The following SEC11A variants were observed in gnomAD, a reference collection of about 807,000 sequenced individuals.
SEC11A encodes the protein signal peptidase complex catalytic subunit SEC11A.
In SEC11A, 14 loss-of-function variants were observed where a neutral mutation model predicts 25.6. The ratio of observed to expected loss-of-function variants is 0.55; its 90% confidence interval spans 0.36 to 0.85. The LOEUF (loss-of-function observed/expected upper bound fraction) is 0.85, where lower values mean the gene tolerates loss of function less well. Among genes scored for constraint, SEC11A ranks in the 40% least tolerant of loss-of-function variants. SEC11A has a pLI of 0.01. For synonymous variants in SEC11A, 83 were observed against 76.4 expected (o/e 1.09, Z -0.45); for missense variants, 153 against 222.9 (o/e 0.69, Z 2.00).
In SEC11A at chr15:84,704,391, T is replaced by C. The variant is rs990001731; in HGVS notation, c.51+11634A>G. Reference sequence around the variant, plus strand: ...CCTTGAAGTAGCTGGCCTGAAATAATAGAATAGTAGGCCAGTTTTCGATTT... The same window carrying C: ...CCTTGAAGTAGCTGGCCTGAAATAACAGAATAGTAGGCCAGTTTTCGATTT... On this transcript the variant is annotated intron_variant, in intron 1 of 5. Coordinates refer to ENST00000268220, the MANE Select transcript of SEC11A (RefSeq NM_014300.4). Among the ~76,000 whole-genome samples, 6 of 152,166 alleles carry C rather than the reference T, an allele frequency of 3.9e-5. No homozygotes were observed. The South Asian group carries it at 1.0e-3, about 26-fold the overall frequency.
At chr15:84,701,312 CAAT>C (rs1314540682) in intron 1 of SEC11A, among the ~76,000 whole-genome samples, 2 of 150,080 alleles carry the variant, frequency 1.3e-5, no homozygotes, top group African/African-American at 4.9e-5. Context: ...ATCTCAATAA[CAAT>C]AATAATAATA....
chr15:84,706,708 T>C (rs1898104916), intron 1 of SEC11A, among the ~76,000 whole-genome samples: 1 of 152,188 alleles, frequency 6.6e-6, no homozygotes, highest in African/African-American at 2.4e-5. Context: ...CAGGTGTGTA[T>C]AGATGCCAAG....
intron 3 of SEC11A, among the ~76,000 whole-genome samples, chr15:84,684,701 G>A (rs921489139): frequency 6.6e-6 from 1 of 152,158 alleles, no homozygotes; most frequent in Non-Finnish European, 1.5e-5. Context: ...GGAGGCAGAG[G>A]TGGGTGAATC....
intron 1 of SEC11A, 21 bp downstream of exon 1, chr15:84,716,004 A>G (rs774339988): frequency 3.1e-6 from 5 of 1,612,598 alleles, no homozygotes; most frequent in Admixed American, 1.7e-5. Flanking sequence ...GCCAGGAGAA[A>G]AAGAGGACGG....
chr15:84,685,178 A>G (rs1897382318), intron 3 of SEC11A, among the ~76,000 whole-genome samples: 1 of 152,178 alleles, frequency 6.6e-6, no homozygotes, highest in Non-Finnish European at 1.5e-5. Context: ...AGGATTTTCC[A>G]ATTAATATAT....
rs1383735887 is a variant in SEC11A at position 84,677,602 on chromosome 15, C to A, written c.431+3111G>T. On this transcript the variant is annotated intron_variant, in intron 4 of 5. Coordinates refer to ENST00000268220, the MANE Select transcript of SEC11A (RefSeq NM_014300.4). ...ATTCTCCTGCCTCAGCCTCCAGAGT[C>A]ACTGGGACTACAGGCACCCGCCACC... Among the ~76,000 whole-genome samples the A allele has an allele frequency of 2.0e-5, 3 of 151,394 alleles. No individual in the cohort carries two copies. In the East Asian group the frequency reaches 5.8e-4, roughly 29 times the overall value.
At chr15:84,677,379 AC>A (rs888131536) in intron 4 of SEC11A, among the ~76,000 whole-genome samples, 39 of 151,874 alleles carry the variant, frequency 2.6e-4, no homozygotes, top group Non-Finnish European at 4.6e-4. Context: ...CTAGACTATT[AC>A]ATTTTTTTAA....
chr15:84,701,654 T>G (rs1307234078), intron 1 of SEC11A, among the ~76,000 whole-genome samples: 1 of 151,894 alleles, frequency 6.6e-6, no homozygotes, highest in African/African-American at 2.4e-5. Flanking sequence ...AAATGCACTT[T>G]AAATATAAAG....
At chr15:84,691,759 T>C (rs1897614502) in intron 1 of SEC11A, 115 bp from the exon 2 acceptor site, 2 of 599,056 alleles carry the variant, frequency 3.3e-6, no homozygotes, top group Admixed American at 6.1e-5. Context: ...ACTACAGTTC[T>C]GAGACATTCT....
At chr15:84,683,315 G>A (rs1897325702) in intron 3 of SEC11A, among the ~76,000 whole-genome samples, 1 of 151,970 alleles carries the variant, frequency 6.6e-6, no homozygotes, top group Non-Finnish European at 1.5e-5. Flanking sequence ...CAGGAAAAGG[G>A]GAACTCCCCA....
chr15:84,685,415 G>A (rs1248606294), intron 3 of SEC11A, among the ~76,000 whole-genome samples: 1 of 148,850 alleles, frequency 6.7e-6, no homozygotes, highest in Non-Finnish European at 1.5e-5. Flanking sequence ...ACACCACCGT[G>A]CCTGACTCAT....
At chr15:84,684,768 C>T (rs532884988) in intron 3 of SEC11A, among the ~76,000 whole-genome samples, 4 of 151,942 alleles carry the variant, frequency 2.6e-5, no homozygotes, top group Non-Finnish European at 5.9e-5. Flanking sequence ...CCTGCCTCTA[C>T]TAAAAATACA....
chr15:84,682,035 G>A (rs1897294227), intron 3 of SEC11A, among the ~76,000 whole-genome samples: 1 of 152,142 alleles, frequency 6.6e-6, no homozygotes, highest in Non-Finnish European at 1.5e-5. Context: ...CTCTAGCCTT[G>A]GAGACAGAGT....
At chr15:84,703,310 G>A (rs1204957490) in intron 1 of SEC11A, among the ~76,000 whole-genome samples, 1 of 152,190 alleles carries the variant, frequency 6.6e-6, no homozygotes, top group East Asian at 1.9e-4. Context: ...ACAGCAGTAA[G>A]TACTCCATCA....
At chr15:84,689,816 CA>C (rs1897549456) in intron 2 of SEC11A, among the ~76,000 whole-genome samples, 1 of 152,078 alleles carries the variant, frequency 6.6e-6, no homozygotes, top group African/African-American at 2.4e-5. Context: ...ACATGCTGGC[CA>C]GGCTGGTCTC....
intron 5 of SEC11A, 85 bp from the exon 6 acceptor site, chr15:84,670,154 T>A (rs112027328): frequency 5.3e-6 from 7 of 1,324,076 alleles, no homozygotes; most frequent in Middle Eastern, 1.9e-4. Flanking sequence ...TTGGTCTTTG[T>A]GAATATATCG....
At chr15:84,696,816 T>C (rs1897781110) in intron 1 of SEC11A, among the ~76,000 whole-genome samples, 1 of 152,184 alleles carries the variant, frequency 6.6e-6, no homozygotes. Flanking sequence ...AAAATTTCCA[T>C]TTTCAAAAGG....
chr15:84,693,480 C>CAGGG lies in SEC11A; in HGVS notation c.52-1840_52-1837dup, dbSNP rs561902734. ...TTTCTCTTCTTTTTTTTTTTTGAGA[C>CAGGG]AGGGTCTTGCTCTATCACACAGGCT... On this transcript the variant is annotated intron_variant, in intron 1 of 5. Transcript: ENST00000268220. Among the ~76,000 whole-genome samples the CAGGG allele has an allele frequency of 5.2e-3, 716 of 138,574 alleles. 6 individuals are homozygous for CAGGG. The highest frequency in any genetic ancestry group is 0.018 in the African/African-American group (686 of 37,090). 90.9% of individuals were successfully genotyped at this position (138,574 alleles called of 152,430 possible). A position where few individuals can be genotyped will look rare whatever the true frequency, so the allele number is the denominator to read the frequency against.
chr15:84,694,500 C>T (rs1284057715), intron 1 of SEC11A, among the ~76,000 whole-genome samples: 3 of 152,110 alleles, frequency 2.0e-5, no homozygotes, highest in Non-Finnish European at 4.4e-5. Context: ...AAACAGTATA[C>T]ACACATACAT....
Sources: allele counts gnomAD v4.1 joint callset (sites outside exome capture counted in the v4.1 genomes callset), GRCh38; gene constraint gnomAD v4.1.1; transcripts MANE v1.5; gene names NCBI Gene and HGNC (gene_info 2026-07-23, HGNC 2026-07-21).